Variants in SAE1 observed in about 807,000 individuals in gnomAD.
The protein encoded by SAE1 is SUMO-activating enzyme subunit 1.
Under a neutral mutation model 40.6 loss-of-function variants are expected in SAE1, and 11 were observed. The ratio of observed to expected loss-of-function variants is 0.27; its 90% CI spans 0.17 to 0.45. SAE1 has a LOEUF of 0.45. Ranked by LOEUF, SAE1 falls within the 20% of genes least tolerant of loss-of-function variation. The pLI is 1.00. For missense variants in SAE1, 373 were observed against 427.3 expected (o/e 0.87, Z 1.12); for synonymous variants, 155 against 154.3 (o/e 1.00, Z -0.03).
Position 47,153,107 on chromosome 19 carries a change from A to G in SAE1, c.527+67A>G. ...TTTTTATACTTTTTTTTTTTAAATTATGTATTTATTTATGTGTAGAGACAG... is the reference window on the plus strand; with the variant it reads ...TTTTTATACTTTTTTTTTTTAAATTGTGTATTTATTTATGTGTAGAGACAG... On this transcript the variant is annotated intron_variant, in intron 4 of 8. Coordinates refer to ENST00000270225, the MANE Select transcript of SAE1 (RefSeq NM_005500.3). The G allele has an allele frequency of 2.2e-6, 3 of 1,366,414 alleles. No homozygotes were observed. In the South Asian group the frequency reaches 4.2e-5, roughly 19 times the overall value. The allele number at this position is 1,366,414 out of a possible 1,614,324, so 84.6% of individuals were successfully genotyped here.
At chr19:47,160,372 C>T (rs1299520588) in intron 5 of SAE1, among the ~76,000 whole-genome samples, 1 of 149,994 alleles carries the variant, frequency 6.7e-6, no homozygotes, top group Non-Finnish European at 1.5e-5. Flanking sequence ...CAGGTGCGCG[C>T]CACCACGCCC....
intron 3 of SAE1, among the ~76,000 whole-genome samples, chr19:47,151,858 C>T (rs966803637): frequency 4.6e-5 from 7 of 152,196 alleles, no homozygotes; most frequent in Non-Finnish European, 8.8e-5. Flanking sequence ...TTGTGTAATG[C>T]GTGTGCATGG....
chr19:47,139,755 A>ATTTTTTTTT (rs780524600), intron 1 of SAE1, among the ~76,000 whole-genome samples: 1 of 125,130 alleles, frequency 8.0e-6, no homozygotes, highest in Admixed American at 8.1e-5. Flanking sequence ...CTCCCGGCCA[A>ATTTTTTTTT]TTTTTTTTTT....
intron 6 of SAE1, among the ~76,000 whole-genome samples, chr19:47,173,916 C>T (rs2058451400): frequency 6.6e-6 from 1 of 151,940 alleles, no homozygotes; most frequent in Non-Finnish European, 1.5e-5. Flanking sequence ...TCCCGACTAG[C>T]TGGGACTACA....
chr19:47,136,122 A>G (rs1055196791), intron 1 of SAE1, among the ~76,000 whole-genome samples: 3 of 152,078 alleles, frequency 2.0e-5, no homozygotes, highest in East Asian at 3.9e-4. Context: ...GAGTGCTGCA[A>G]TAAACATGGG....
intron 6 of SAE1, among the ~76,000 whole-genome samples, chr19:47,172,339 A>G (rs1343851680): frequency 6.6e-6 from 1 of 152,218 alleles, no homozygotes; most frequent in African/African-American, 2.4e-5. Flanking sequence ...TAGTGGGATC[A>G]GGTGTGGAAG....
intron 3 of SAE1, among the ~76,000 whole-genome samples, chr19:47,151,527 A>G (rs964708230): frequency 2.0e-5 from 3 of 151,860 alleles, no homozygotes; most frequent in African/African-American, 7.3e-5. Context: ...GCTGGAGTGC[A>G]GTGGCATGAT....
chr19:47,146,011 G>T (rs1041466190), intron 2 of SAE1, among the ~76,000 whole-genome samples: 6 of 137,062 alleles, frequency 4.4e-5, no homozygotes, highest in African/African-American at 1.7e-4. Context: ...AGATTTCCTG[G>T]AGTCCTGATC....
intron 1 of SAE1, among the ~76,000 whole-genome samples, chr19:47,140,358 G>A (rs1396030810): frequency 3.3e-5 from 5 of 151,732 alleles, no homozygotes; most frequent in African/African-American, 7.3e-5. Context: ...TGCCTGTCTC[G>A]GCCTCCCAAA....
intron 1 of SAE1, among the ~76,000 whole-genome samples, chr19:47,131,603 A>G (rs763727796): frequency 1.3e-5 from 2 of 149,400 alleles, no homozygotes; most frequent in Non-Finnish European, 3.0e-5. Flanking sequence ...GGACGGCCGT[A>G]GGCTCCCGAA....
intron 3 of SAE1, among the ~76,000 whole-genome samples, chr19:47,150,617 T>C (rs1223994061): frequency 6.6e-6 from 1 of 152,214 alleles, no homozygotes; most frequent in Non-Finnish European, 1.5e-5. Context: ...GCTGGCTTCT[T>C]CTCTGGGCAT....
intron 5 of SAE1, among the ~76,000 whole-genome samples, chr19:47,164,270 G>A (rs1033585191): frequency 1.1e-4 from 17 of 152,052 alleles, no homozygotes; most frequent in East Asian, 7.8e-4. Flanking sequence ...CTGGGTTCAC[G>A]CCATTCTCCT....
intron 6 of SAE1, among the ~76,000 whole-genome samples, chr19:47,177,101 C>G (rs528264403): frequency 6.6e-6 from 1 of 152,336 alleles, no homozygotes; most frequent in African/African-American, 2.4e-5. Flanking sequence ...TTAACTTGCT[C>G]AGTCTCTGTT....
intron 1 of SAE1, 40 bp downstream of exon 1, chr19:47,131,068 G>C: frequency 6.7e-7 from 1 of 1,498,276 alleles, no homozygotes; most frequent in East Asian, 2.5e-5. Context: ...GGGTCTGGAG[G>C]GGGCGTCTAT....
intron 1 of SAE1, among the ~76,000 whole-genome samples, chr19:47,140,494 TAC>T (rs1215522967): frequency 6.6e-6 from 1 of 151,878 alleles, no homozygotes; most frequent in Non-Finnish European, 1.5e-5. Flanking sequence ...TCAGGTGATC[TAC>T]CCACCTTGGC....
Position 47,209,364 on chromosome 19 carries a change from G to A in SAE1, c.*113G>A, listed in dbSNP as rs779456252. 1.4e-5 allele frequency: 22 copies of A among 1,558,198 alleles called. No homozygotes were observed. Among genetic ancestry groups the A allele is most frequent in the Middle Eastern group, 3.5e-4 (2 of 5,740 alleles). ...CAAGGAAAACTGAAGTCATTGGCCC[G>A]ATACAAAACATTTCCTGCAACGAAG... On this transcript the variant is annotated 3_prime_UTR_variant, in exon 9 of 9. Coordinates refer to ENST00000270225, the MANE Select transcript of SAE1 (RefSeq NM_005500.3).
Position 47,140,636 on chromosome 19 carries a change from A to C in SAE1, c.99-2858A>C, listed in dbSNP as rs557925600. ...ACCCTGTGTCTACAAAAAAAAAAAAAAACCCATAAATCAGCCAGGTGCAGT... is the reference window on the plus strand; with the variant it reads ...ACCCTGTGTCTACAAAAAAAAAAAACAACCCATAAATCAGCCAGGTGCAGT... On this transcript the variant is annotated intron_variant, in intron 1 of 8. Coordinates refer to ENST00000270225, the MANE Select transcript of SAE1 (RefSeq NM_005500.3). 1.9e-3 allele frequency among the ~76,000 whole-genome samples: 287 copies of C among 151,586 alleles called. 4 individuals are homozygous for C. The South Asian group carries it at 0.055, about 29-fold the overall frequency.
intron 8 of SAE1, 111 bp from the exon 9 acceptor site, chr19:47,209,048 A>C: frequency 2.0e-6 from 2 of 1,012,022 alleles, no homozygotes; most frequent in Non-Finnish European, 1.4e-6. Flanking sequence ...CTTTGGGAGC[A>C]AAATCGACCC....
intron 5 of SAE1, among the ~76,000 whole-genome samples, chr19:47,159,421 A>T (rs963429478): frequency 2.6e-5 from 4 of 152,098 alleles, no homozygotes; most frequent in African/African-American, 9.7e-5. Context: ...CATAGGGGGA[A>T]GGTAGTCTTG....
Sources: gnomAD v4.1 joint callset for allele counts (sites outside exome capture counted in the v4.1 genomes callset) on GRCh38, gnomAD v4.1.1 for gene constraint, MANE v1.5 for transcripts, NCBI Gene and HGNC (gene_info 2026-07-23, HGNC 2026-07-21) for gene names.